The following NBAS variants were observed in gnomAD, a reference collection of about 807,000 sequenced individuals.
NBAS encodes NBAS subunit of NRZ tethering complex, also known as NAG/BC035112 fusion.
In NBAS, 219 loss-of-function variants were observed where a neutral mutation model predicts 302.5. That is an observed-to-expected ratio of 0.72 (90% CI 0.65 to 0.81). The LOEUF (loss-of-function observed/expected upper bound fraction) is 0.81. Ranked by LOEUF, NBAS falls within the 30% of genes least tolerant of loss-of-function variation. The probability of loss-of-function intolerance (pLI) is 0.00; values close to 1 mark genes in which losing one functional copy is unlikely to be tolerated. For synonymous variants in NBAS, 1,118 were observed against 1,021.6 expected, an observed-to-expected ratio of 1.09 and a Z score of -1.80; for missense variants, 2,932 against 2,841.6, an observed-to-expected ratio of 1.03 and a Z score of -0.72.
chr2:15,316,298 C>T (rs1442382818), intron 38 of NBAS, among the ~76,000 whole-genome samples: 4 of 152,322 alleles, frequency 2.6e-5, no homozygotes, highest in South Asian at 2.1e-4. Flanking sequence ...CAGCTCGCAG[C>T]GTGATCGATG....
In NBAS at chr2:15,524,970, G is replaced by A. The variant is rs188983680; in HGVS notation, c.746+9573C>T. Among the ~76,000 whole-genome samples, 5 of 152,248 alleles carry A rather than the reference G, an allele frequency of 3.3e-5. No individual in the cohort carries two copies. The East Asian group carries it at 9.7e-4, about 29-fold the overall frequency. On this transcript the variant is annotated intron_variant, in intron 9 of 51. Coordinates refer to ENST00000281513, the MANE Select transcript of NBAS (RefSeq NM_015909.4). ...CCACAGCTGATGCTAAAGAACATCA[G>A]CTGAAGACTTAATTCCCTCTTGATC... is the stretch of plus-strand genomic sequence containing the variant.
chr2:15,134,892 G>A, the NBAS span, among the ~76,000 whole-genome samples: 3,476 of 152,254 alleles, frequency 0.023, 58 homozygotes, highest in Middle Eastern at 0.048. Context: ...CTAATGGGTC[G>A]GAGCTTGTTT....
At chr2:14,983,992 C>G in the NBAS span, among the ~76,000 whole-genome samples, 18,733 of 152,046 alleles carry the variant, frequency 0.12, 1,287 homozygotes, top group Middle Eastern at 0.21. Flanking sequence ...TCCGAGGGGG[C>G]GTGCCAACCC....
the NBAS span, among the ~76,000 whole-genome samples, chr2:15,064,362 A>G: frequency 6.6e-6 from 1 of 151,362 alleles, no homozygotes; most frequent in Non-Finnish European, 1.5e-5. Context: ...ACTAAAATAA[A>G]GAGATCACAG....
At chr2:15,386,234 C>T (rs768146868) in intron 28 of NBAS, among the ~76,000 whole-genome samples, 8 of 152,044 alleles carry the variant, frequency 5.3e-5, no homozygotes, top group East Asian at 1.9e-4. Context: ...AGATACAAAA[C>T]GCTTAGGAAT....
chr2:15,106,451 G>GTCTCTCTCTCTCTCTCTCTCTCTCTCTC, the NBAS span, among the ~76,000 whole-genome samples: 7 of 147,966 alleles, frequency 4.7e-5, no homozygotes, highest in African/African-American at 1.8e-4. Flanking sequence ...CTCTGTCTCT[G>GTCTCTCTCTCTCTCTCTCTCTCTCTCTC]TCTCTCTCTC....
At chr2:15,505,253 C>T (rs756874034) in intron 10 of NBAS, among the ~76,000 whole-genome samples, 17 of 152,128 alleles carry the variant, frequency 1.1e-4, no homozygotes, top group Non-Finnish European at 2.5e-4. Context: ...CAGAGGGGAG[C>T]TAGCAAAAAT....
the NBAS span, among the ~76,000 whole-genome samples, chr2:15,015,150 A>C: frequency 2.3e-3 from 313 of 133,492 alleles, no homozygotes; most frequent in African/African-American, 2.8e-3. Flanking sequence ...GAAGTTTCCC[A>C]AAAAAAAAAA....
At chr2:15,100,443 C>T in the NBAS span, among the ~76,000 whole-genome samples, 71,516 of 151,924 alleles carry the variant, frequency 0.47, 19,817 homozygotes, top group Non-Finnish European at 0.6. Flanking sequence ...TCACAGAGTT[C>T]CATTAATGTG....
intron 21 of NBAS, among the ~76,000 whole-genome samples, chr2:15,453,498 T>C (rs1294557382): frequency 6.6e-6 from 1 of 152,222 alleles, no homozygotes; most frequent in African/African-American, 2.4e-5. Context: ...GACCTAAAAT[T>C]GTTCACTCAG....
the NBAS span, among the ~76,000 whole-genome samples, chr2:15,156,243 C>T: frequency 6.6e-6 from 1 of 152,078 alleles, no homozygotes; most frequent in Non-Finnish European, 1.5e-5. Flanking sequence ...AGCCATGGGC[C>T]CTGGTCTTCC....
At chr2:14,957,831 A>G in the NBAS span, among the ~76,000 whole-genome samples, 2 of 151,788 alleles carry the variant, frequency 1.3e-5, no homozygotes, top group African/African-American at 4.8e-5. Context: ...CTGAGTGCCA[A>G]CTCAGTCCGA....
the NBAS span, among the ~76,000 whole-genome samples, chr2:15,038,112 C>CTTTTTTT: frequency 3.4e-5 from 4 of 118,544 alleles, no homozygotes; most frequent in Admixed American, 9.4e-5. Flanking sequence ...TGACTTTATT[C>CTTTTTTT]TTTTTTTTTT....
rs193128443 is a variant in NBAS, at chr2:15,229,419, C to T, written c.6236+3003G>A. 6.2e-5 allele frequency among the ~76,000 whole-genome samples: 9 copies of T among 144,794 alleles called. No individual in the cohort carries two copies. In the East Asian group the frequency reaches 1.9e-3, roughly 30 times the overall value. 95.0% of individuals were successfully genotyped at this position (144,794 alleles called of 152,430 possible). On this transcript the variant is annotated intron_variant, in intron 47 of 51. Transcript: ENST00000281513. ...CTAAACGTGTACAATTATTGTGTGT[C>T]AATTATACAATATAAAAAATTAAAT... is the stretch of plus-strand genomic sequence containing the variant.
At chr2:14,973,264 T>G in the NBAS span, among the ~76,000 whole-genome samples, 1 of 152,198 alleles carries the variant, frequency 6.6e-6, no homozygotes, top group South Asian at 2.1e-4. Flanking sequence ...CACCTAGTCC[T>G]AAAAAGTTAT....
At chr2:14,967,977 G>T in the NBAS span, among the ~76,000 whole-genome samples, 1,019 of 152,188 alleles carry the variant, frequency 6.7e-3, 13 homozygotes, top group African/African-American at 0.023. Flanking sequence ...AAAAGCCTTG[G>T]CATGTGTGTG....
At chr2:15,243,007 G>T (rs559539587) in intron 44 of NBAS, among the ~76,000 whole-genome samples, 12 of 152,082 alleles carry the variant, frequency 7.9e-5, no homozygotes, top group Non-Finnish European at 1.8e-4. Flanking sequence ...GAGGAATCAT[G>T]GATGACATCA....
At chr2:15,417,328 C>G (rs1676991493) in intron 24 of NBAS, among the ~76,000 whole-genome samples, 199 bp downstream of exon 24, 1 of 152,058 alleles carries the variant, frequency 6.6e-6, no homozygotes, top group African/African-American at 2.4e-5. Flanking sequence ...AAAGGGCAAG[C>G]AAGGTATAAA....
chr2:15,130,875 A>G, the NBAS span, among the ~76,000 whole-genome samples: 1 of 152,212 alleles, frequency 6.6e-6, no homozygotes, highest in African/African-American at 2.4e-5. Context: ...CCACAGTGGT[A>G]CGTGTCTCCA....
Sources: allele counts gnomAD v4.1 joint callset (sites outside exome capture counted in the v4.1 genomes callset), GRCh38; gene constraint gnomAD v4.1.1; transcripts MANE v1.5; gene names NCBI Gene and HGNC (gene_info 2026-07-23, HGNC 2026-07-21).